The following OSBPL5 variants were observed in gnomAD, a reference collection of about 807,000 sequenced individuals.
The protein encoded by OSBPL5 is oxysterol binding protein like 5.
OSBPL5 carries 71 observed loss-of-function variants against 111.2 expected under a neutral mutation model. The ratio of observed to expected loss-of-function variants is 0.64; its 90% CI spans 0.53 to 0.78. OSBPL5 has a LOEUF of 0.78. OSBPL5 is among the 30% of genes least tolerant of loss of function. OSBPL5 has a pLI of 0.00. For synonymous variants in OSBPL5, 549 were observed against 513.9 expected, an observed-to-expected ratio of 1.07 and a Z score of -0.93; for missense variants, 1,210 against 1,189.3, an observed-to-expected ratio of 1.02 and a Z score of -0.26.
intron 1 of OSBPL5, among the ~76,000 whole-genome samples, chr11:3,134,182 T>C (rs1235532945): frequency 6.6e-6 from 1 of 152,208 alleles, no homozygotes; most frequent in Non-Finnish European, 1.5e-5. Context: ...AAATGTCCTC[T>C]TCCAATGTCA....
At position 3,121,451 on chromosome 11, in the gene OSBPL5, C is replaced by T. The variant is rs921760179; in HGVS notation, c.402+546G>A. Among the ~76,000 whole-genome samples the T allele has an allele frequency of 6.6e-5, 10 of 152,140 alleles. No homozygotes were observed. Among genetic ancestry groups the T allele is most frequent in the African/African-American group, 2.4e-5 (1 of 41,514 alleles). The stretch of plus-strand genomic sequence containing the variant: ...ACTTTTGATTCATCATTTTGGTATG[C>T]GGGTAGAAGGAGCCTACATGGGCCT... On this transcript the variant is annotated intron_variant, in intron 5 of 21. Transcript: ENST00000263650. This position sits in a 1 kb window ranked among gnomAD's most constrained non-coding sequence, Gnocchi z 4.3.
Position 3,101,546 on chromosome 11 carries a change from C to T in OSBPL5, c.1522+57G>A, listed in dbSNP as rs541467160. ...TCTTGGTCCACTGGCTCCCGGAGTC[C>T]TCCCGACCATCGCATTTCCCTGAGG... On this transcript the variant is annotated intron_variant, in intron 13 of 21. Coordinates refer to ENST00000263650, the MANE Select transcript of OSBPL5 (RefSeq NM_020896.4). 9.9e-6 allele frequency: 15 copies of T among 1,515,030 alleles called. No individual in the cohort carries two copies. The East Asian group carries it at 2.7e-4, about 27-fold the overall frequency. The allele number at this position is 1,515,030 out of a possible 1,614,324, so 93.8% of individuals were successfully genotyped here. A position where few individuals can be genotyped will look rare whatever the true frequency, so the allele number is the denominator to read the frequency against.
intron 6 of OSBPL5, 153 bp from the exon 7 acceptor site, chr11:3,119,784 T>TGTCTACCTGGCC: frequency 4.9e-6 from 3 of 614,000 alleles, no homozygotes; most frequent in Non-Finnish European, 5.4e-6. Context: ...CCTGGCCAGG[T>TGTCTACCTGGCC]AGACACTTGG....
At position 3,121,909 on chromosome 11, in the gene OSBPL5, G is replaced by C. The variant is rs190261707; in HGVS notation, c.402+88C>G. ...AGATGCAGGGAAGTGAATTTCCATC[G>C]TTTCAGGCCACCTGGTTTATGGTCC... On this transcript the variant is annotated intron_variant, in intron 5 of 21. Coordinates refer to ENST00000263650, the MANE Select transcript of OSBPL5 (RefSeq NM_020896.4). This position sits in a 1 kb window ranked among gnomAD's most constrained non-coding sequence, Gnocchi z 4.3. The C allele has an allele frequency of 8.2e-7, 1 of 1,225,054 alleles. No individual in the cohort carries two copies. Among genetic ancestry groups the C allele is most frequent in the African/African-American group, 1.5e-5 (1 of 67,124 alleles). The allele number at this position is 1,225,054 out of a possible 1,614,324, so 75.9% of individuals were successfully genotyped here.
chr11:3,097,392 G>A (rs1184263622), intron 14 of OSBPL5, among the ~76,000 whole-genome samples: 1 of 152,084 alleles, frequency 6.6e-6, no homozygotes, highest in Non-Finnish European at 1.5e-5. Flanking sequence ...CTGCGCTCCG[G>A]GGTTAAAAAG....
At chr11:3,155,920 C>T (rs1846744460) in intron 1 of OSBPL5, among the ~76,000 whole-genome samples, 1 of 152,250 alleles carries the variant, frequency 6.6e-6, no homozygotes, top group Admixed American at 6.5e-5. Context: ...CCACCCTTCC[C>T]AGGCCCTCAG....
Position 3,107,455 on chromosome 11 carries a change from T to C in OSBPL5, c.867A>G (p.Pro289=). ...CGTTCTCCAGGGAAGACCCGTTCAG[T>C]CTGGAAGGTGGATGGTGCCAGTGGG... ...ATVHPDQDLF[P]LNGSSLENDA... The change falls in exon 9 of 22, where the codon CCA becomes CCG. Residue 289 remains proline (P), a splice_region_variant and synonymous_variant. Coordinates refer to ENST00000263650, the MANE Select transcript of OSBPL5 (RefSeq NM_020896.4). The surrounding 1 kb of genome is among the most constrained non-coding windows in gnomAD (Gnocchi z 6.1). 1 of 1,613,886 alleles carries C rather than the reference T, an allele frequency of 6.2e-7. No homozygotes were observed. The highest frequency in any genetic ancestry group is 1.3e-5 in the African/African-American group (1 of 75,030).
chr11:3,096,510 T>C (rs1332205677), intron 14 of OSBPL5, among the ~76,000 whole-genome samples: 1 of 151,522 alleles, frequency 6.6e-6, no homozygotes, highest in Non-Finnish European at 1.5e-5. Flanking sequence ...TGCTAGCTAC[T>C]CGGGAGGCTG....
At chr11:3,094,180 C>T (rs1222085600) in intron 15 of OSBPL5, 57 bp downstream of exon 15, 3 of 1,523,782 alleles carry the variant, frequency 2.0e-6, no homozygotes, top group Admixed American at 1.8e-5. Context: ...TGAGGGGGAT[C>T]CCCAAGGCTT....
At chr11:3,101,814 C>T in intron 12 of OSBPL5, 115 bp from the exon 13 acceptor site, 1 of 859,338 alleles carries the variant, frequency 1.2e-6, no homozygotes, top group Non-Finnish European at 1.8e-6. Context: ...ATCTTCTCCC[C>T]CGATCCCAGG....
chr11:3,108,830 A>G (rs1055418168), intron 7 of OSBPL5, among the ~76,000 whole-genome samples: 29 of 152,142 alleles, frequency 1.9e-4, no homozygotes, highest in African/African-American at 7.0e-4. Flanking sequence ...GCACAATGGC[A>G]CGATCTCAGC....
At chr11:3,155,076 G>A (rs1254874477) in intron 1 of OSBPL5, among the ~76,000 whole-genome samples, 2 of 152,176 alleles carry the variant, frequency 1.3e-5, no homozygotes, top group African/African-American at 4.8e-5. Context: ...GTGGTTATCT[G>A]CATGACAAGG....
chr11:3,088,659 A>G (rs1003792245), intron 21 of OSBPL5, among the ~76,000 whole-genome samples: 1 of 151,890 alleles, frequency 6.6e-6, no homozygotes, highest in Non-Finnish European at 1.5e-5. Flanking sequence ...TGCCACCTTC[A>G]TATGTTGGAG....
At position 3,100,202 on chromosome 11, in the gene OSBPL5, C is replaced by G. The variant is rs142478721; in HGVS notation, c.1577G>C (p.Arg526Pro). The G allele has an allele frequency of 1.2e-6, 2 of 1,614,104 alleles. No individual in the cohort carries two copies. The highest frequency in any genetic ancestry group is 1.3e-5 in the African/African-American group (1 of 75,030). The change falls in exon 14 of 22, where the codon CGA (arginine) becomes CCA (proline). Residue 526 changes from arginine (R) to proline (P), a missense_variant. Coordinates refer to ENST00000263650, the MANE Select transcript of OSBPL5 (RefSeq NM_020896.4). ...CATGGTAAGGGTGTAATCCTCGGCT[C>G]GGTTCAGGAAGGTGAGCGTGGCTTT... ...DGKATLTFLNRAEDYTLTMPY... is the reference protein window; with the variant it reads ...DGKATLTFLNPAEDYTLTMPY...
chr11:3,156,118 G>A (rs1054656259), intron 1 of OSBPL5, among the ~76,000 whole-genome samples: 8 of 152,194 alleles, frequency 5.3e-5, no homozygotes, highest in Admixed American at 2.6e-4. Context: ...GGGAAGGGAA[G>A]TCAGCACTGA....
At chr11:3,096,784 T>C (rs1169245837) in intron 14 of OSBPL5, among the ~76,000 whole-genome samples, 1 of 152,000 alleles carries the variant, frequency 6.6e-6, no homozygotes, top group African/African-American at 2.4e-5. Flanking sequence ...TGTGGGTATA[T>C]GGGGTGTACT....
In OSBPL5 at chr11:3,141,613, G is replaced by A. The variant is rs1226612650; in HGVS notation, c.-21-12444C>T. Reference sequence around the variant, plus strand: ...GGACAGGGAGGGGCTGGATTTTGCTGACCTCCAAGGGGAACCCTTCTATGA... The same window carrying A: ...GGACAGGGAGGGGCTGGATTTTGCTAACCTCCAAGGGGAACCCTTCTATGA... On this transcript the variant is annotated intron_variant, in intron 1 of 21. Transcript: ENST00000263650. The surrounding 1 kb of genome is among the most constrained non-coding windows in gnomAD (Gnocchi z 6.5). Among the ~76,000 whole-genome samples, 3 of 152,314 alleles carry A rather than the reference G, an allele frequency of 2.0e-5. No homozygotes were observed. The highest frequency in any genetic ancestry group is 3.4e-3 in the Middle Eastern group (1 of 294).
At chr11:3,090,991 G>A (rs772998632) in intron 19 of OSBPL5, among the ~76,000 whole-genome samples, 23 of 152,356 alleles carry the variant, frequency 1.5e-4, no homozygotes, top group African/African-American at 5.0e-4. Context: ...TCACCATGGC[G>A]TTGCATCCAA....
At chr11:3,094,103 G>T in intron 15 of OSBPL5, 134 bp downstream of exon 15, 1 of 873,234 alleles carries the variant, frequency 1.1e-6, no homozygotes, top group Non-Finnish European at 1.8e-6. Flanking sequence ...TGTGTTCCGG[G>T]ATGTCAACAG....
Sources: allele counts gnomAD v4.1 joint callset (sites outside exome capture counted in the v4.1 genomes callset), GRCh38; gene constraint gnomAD v4.1.1; non-coding constraint Gnocchi (gnomAD v3.1); transcripts MANE v1.5; gene names NCBI Gene and HGNC (gene_info 2026-07-23, HGNC 2026-07-21).